AGBL1: variants seen among roughly 807,000 people sequenced by gnomAD.
The protein encoded by AGBL1 is cytosolic carboxypeptidase 4.
AGBL1 carries 130 observed loss-of-function variants against 118.9 expected under a neutral mutation model. The ratio of observed to expected loss-of-function variants is 1.09; its 90% CI spans 0.95 to 1.26. The LOEUF is 1.26. AGBL1 is among the 50% of genes most tolerant of loss of function. The pLI, the probability that AGBL1 is intolerant of heterozygous loss-of-function variation, is 0.00. For missense variants in AGBL1, 1,584 were observed against 1,298.1 expected, an observed-to-expected ratio of 1.22 and a Z score of -3.38; for synonymous variants, 555 against 478.9, an observed-to-expected ratio of 1.16 and a Z score of -2.08.
chr15:86,568,910 G>A (rs1338544822), intron 21 of AGBL1, among the ~76,000 whole-genome samples: 1 of 152,076 alleles, frequency 6.6e-6, no homozygotes, highest in Admixed American at 6.5e-5. Context: ...ACAATGAGAT[G>A]CTGTATGTAT....
chr15:86,890,106 G>A (rs1174497629), intron 22 of AGBL1, among the ~76,000 whole-genome samples: 2 of 152,252 alleles, frequency 1.3e-5, no homozygotes, highest in East Asian at 1.9e-4. Context: ...GCTTGAGATA[G>A]TATCACACTG....
chr15:86,598,121 A>G (rs777395083), intron 21 of AGBL1, among the ~76,000 whole-genome samples: 22 of 152,226 alleles, frequency 1.4e-4, no homozygotes, highest in Non-Finnish European at 2.6e-4. Flanking sequence ...TGTTTAACCC[A>G]TTCAGAGAAG....
intron 22 of AGBL1, among the ~76,000 whole-genome samples, chr15:86,701,240 CAA>C (rs1264166316): frequency 4.6e-5 from 7 of 151,920 alleles, no homozygotes; most frequent in Non-Finnish European, 7.4e-5. Context: ...GAGAAGGAGA[CAA>C]GAGAGGATAT....
chr15:86,433,559 A>T (rs1377132261), intron 18 of AGBL1, among the ~76,000 whole-genome samples: 1 of 152,116 alleles, frequency 6.6e-6, no homozygotes, highest in Non-Finnish European at 1.5e-5. Flanking sequence ...ACCGCCATTC[A>T]CATTTCTTGG....
chr15:86,504,313 A>G (rs1455937994), intron 18 of AGBL1, among the ~76,000 whole-genome samples: 2 of 151,462 alleles, frequency 1.3e-5, no homozygotes, highest in African/African-American at 4.8e-5. Context: ...AATTCACAGT[A>G]TATCTCTTAT....
intron 23 of AGBL1, among the ~76,000 whole-genome samples, chr15:86,931,228 G>A (rs185514947): frequency 4.6e-5 from 7 of 152,170 alleles, no homozygotes; most frequent in East Asian, 1.9e-4. Flanking sequence ...AAGATATTTC[G>A]CCTTTATAGG....
chr15:86,612,406 C>T (rs2084669687), intron 21 of AGBL1, among the ~76,000 whole-genome samples: 3 of 137,240 alleles, frequency 2.2e-5, no homozygotes, highest in Admixed American at 8.7e-5. Context: ...TCCAAAAAAA[C>T]CTGAAGAACT....
intron 23 of AGBL1, among the ~76,000 whole-genome samples, chr15:86,975,959 C>CT (rs1444744777): frequency 6.6e-6 from 1 of 152,084 alleles, no homozygotes; most frequent in Non-Finnish European, 1.5e-5. Context: ...ACCTAATAAA[C>CT]TGTCTGCAGC....
chr15:86,249,902 A>G (rs566327802), intron 7 of AGBL1, among the ~76,000 whole-genome samples: 2 of 152,320 alleles, frequency 1.3e-5, no homozygotes, highest in South Asian at 2.1e-4. Context: ...AGGTTCTTCA[A>G]AACAGTTCCT....
chr15:86,424,994 A>G (rs893048426), intron 18 of AGBL1, among the ~76,000 whole-genome samples: 5 of 152,118 alleles, frequency 3.3e-5, no homozygotes, highest in African/African-American at 1.2e-4. Flanking sequence ...ATTCCTCAAG[A>G]ATCTAGAACC....
At chr15:86,917,398 A>G (rs1216763867), downstream of AGBL1, among the ~76,000 whole-genome samples, 1 of 152,200 alleles carries the variant, frequency 6.6e-6, no homozygotes. The surrounding 1 kb of genome is among the most constrained non-coding windows in gnomAD (Gnocchi z 4.8). Flanking sequence ...CAGGATTTCA[A>G]TCAAAATGAC....
chr15:86,209,415 G>A (rs562147447), intron 5 of AGBL1, among the ~76,000 whole-genome samples: 2 of 152,286 alleles, frequency 1.3e-5, no homozygotes, highest in African/African-American at 4.8e-5. Context: ...TGACAGTGGA[G>A]TGTTAAAGTC....
At chr15:86,468,612 T>C (rs1238503027) in intron 18 of AGBL1, among the ~76,000 whole-genome samples, 1 of 152,178 alleles carries the variant, frequency 6.6e-6, no homozygotes, top group Admixed American at 6.5e-5. Flanking sequence ...TTGGTGGAGC[T>C]TCCATTTTTT....
At chr15:86,356,920 T>C (rs1016326560) in intron 17 of AGBL1, among the ~76,000 whole-genome samples, 5 of 152,318 alleles carry the variant, frequency 3.3e-5, no homozygotes, top group Admixed American at 6.5e-5. Flanking sequence ...TACGTACCAA[T>C]TGATGCAAAT....
chr15:86,835,677 T>C (rs2079161097), intron 22 of AGBL1, among the ~76,000 whole-genome samples: 1 of 152,058 alleles, frequency 6.6e-6, no homozygotes, highest in South Asian at 2.1e-4. Context: ...GTGAAATATA[T>C]GGCTAGGGTA....
At position 86,674,337 on chromosome 15, in the gene AGBL1, T is replaced by C; in HGVS notation, c.3059T>C (p.Ile1020Thr). 2 of 1,612,358 alleles carry C rather than the reference T, an allele frequency of 1.2e-6. No homozygotes were observed. Among genetic ancestry groups the C allele is most frequent in the Non-Finnish European group, 1.7e-6 (2 of 1,179,276 alleles). The part of the protein sequence containing the change: ...MGAMFCLGLL[I>T]LELKSASCSH... ...GCCATGTTCTGTTTGGGCCTCCTCA[T>C]CCTGGAGCTCAAATCTGCCAGCTGC... Residue 1020 changes from isoleucine to threonine, a missense_variant, in exon 22 of 23, where the codon ATC becomes ACC. Transcript: ENST00000614907.
At chr15:86,167,495 C>G (rs1302721282) in intron 5 of AGBL1, among the ~76,000 whole-genome samples, 1 of 152,248 alleles carries the variant, frequency 6.6e-6, no homozygotes, top group Non-Finnish European at 1.5e-5. Flanking sequence ...GTCCGCCTAC[C>G]TCAGCCTCCC....
At chr15:86,442,994 G>T (rs1349390813) in intron 18 of AGBL1, among the ~76,000 whole-genome samples, 1 of 152,198 alleles carries the variant, frequency 6.6e-6, no homozygotes. Flanking sequence ...AGGATCGTGG[G>T]TGTTACTGCT....
chr15:86,254,863 A>G (rs1164407821), intron 7 of AGBL1, among the ~76,000 whole-genome samples: 2 of 152,176 alleles, frequency 1.3e-5, no homozygotes, highest in African/African-American at 2.4e-5. Flanking sequence ...CTTGAAACCA[A>G]TGATCTTTGC....
Sources: allele counts gnomAD v4.1 joint callset (sites outside exome capture counted in the v4.1 genomes callset), GRCh38; gene constraint gnomAD v4.1.1; non-coding constraint Gnocchi (gnomAD v3.1); transcripts MANE v1.5; gene names NCBI Gene and HGNC (gene_info 2026-07-23, HGNC 2026-07-21).